SLC22A7: variants seen among roughly 807,000 people sequenced by gnomAD.
SLC22A7 encodes hOAT2.
In SLC22A7, 48 loss-of-function variants were observed where a neutral mutation model predicts 62.2. That is an observed-to-expected ratio of 0.77 (90% confidence interval 0.61 to 0.98). The LOEUF (loss-of-function observed/expected upper bound fraction) is 0.98. Among genes scored for constraint, SLC22A7 ranks in the 50% least tolerant of loss-of-function variants. SLC22A7 has a pLI of 0.00. For synonymous variants in SLC22A7, 276 were observed against 314.8 expected (o/e 0.88, Z 1.30); for missense variants, 581 against 703.8 (o/e 0.83, Z 1.97).
rs542352604 is a variant in SLC22A7 at position 43,301,907 on chromosome 6, C to A, written c.1061+215C>A. ...TCAAGCTCAGACTCCCACTTCCTTA[C>A]TTGGAAAGGGACAGATGACTTAGCC... On this transcript the variant is annotated intron_variant, in intron 7 of 10. Transcript: ENST00000372585. Among the ~76,000 whole-genome samples, 12 of 152,228 alleles carry A rather than the reference C, an allele frequency of 7.9e-5. No homozygotes were observed. In the South Asian group the frequency reaches 2.5e-3, roughly 32 times the overall value.
chr6:43,300,183 G>T, intron 5 of SLC22A7, 117 bp downstream of exon 5: 1 of 1,036,472 alleles, frequency 9.6e-7, no homozygotes, highest in East Asian at 2.5e-5. Context: ...GAAACGAAGT[G>T]ACCAAGAGAC....
chr6:43,304,347 C>A, intron 10 of SLC22A7, 103 bp downstream of exon 10: 2 of 1,028,040 alleles, frequency 1.9e-6, no homozygotes, highest in Non-Finnish European at 2.7e-6. Flanking sequence ...ACTATATCTG[C>A]ACATGTGTAC....
chr6:43,299,431 G>C lies in SLC22A7; in HGVS notation c.441G>C (p.Ala147=). 1 of 1,614,122 alleles carries C rather than the reference G, an allele frequency of 6.2e-7. No individual in the cohort carries two copies. The highest frequency in any genetic ancestry group is 8.5e-7 in the Non-Finnish European group (1 of 1,180,002). Residue 147 remains alanine, a synonymous_variant, in exon 3 of 11, where the codon GCG becomes GCC. Transcript: ENST00000372585. The surrounding 1 kb of genome is among the most constrained non-coding windows in gnomAD (Gnocchi z 4.4). ...AGCAGAAAGGTCTGAACAGAGCTGCGTCCACTTTCTTCTTCGCCGGTGTGC... is the reference window on the plus strand; with the variant it reads ...AGCAGAAAGGTCTGAACAGAGCTGCCTCCACTTTCTTCTTCGCCGGTGTGC... The part of the protein sequence containing the change: ...VCEQKGLNRA[A]STFFFAGVLV...
In SLC22A7 at chr6:43,305,489, T is replaced by C. The variant is rs907563981; in HGVS notation, c.*764T>C. On this transcript the variant is annotated 3_prime_UTR_variant, in exon 11 of 11. Transcript: ENST00000372585. ...TGAAGGCATGGGAGCCAACATTTTA[T>C]TGAAGAAGCCACAGAGGCTGAAATT... The C allele has an allele frequency of 7.8e-6, 3 of 385,796 alleles. No individual in the cohort carries two copies. Among genetic ancestry groups the C allele is most frequent in the South Asian group, 2.7e-5 (1 of 37,714 alleles). 23.9% of individuals were successfully genotyped at this position (385,796 alleles called of 1,614,324 possible). A position where few individuals can be genotyped will look rare whatever the true frequency, so the allele number is the denominator to read the frequency against.
chr6:43,302,415 G>A lies in SLC22A7; in HGVS notation c.1276+1G>A. 1.3e-6 allele frequency: 2 copies of A among 1,569,572 alleles called. No homozygotes were observed. The highest frequency in any genetic ancestry group is 8.6e-7 in the Non-Finnish European group (1 of 1,159,430). On this transcript the variant is annotated splice_donor_variant, in intron 8 of 10. Coordinates refer to ENST00000372585, the MANE Select transcript of SLC22A7 (RefSeq NM_153320.2). LOFTEE classifies it high-confidence loss of function. The surrounding 1 kb of genome is among the most constrained non-coding windows in gnomAD (Gnocchi z 5.0). Reference sequence around the variant, plus strand: ...GGCACTAGACTGCTAGTGTCCTCCGGTGAGCCCAGTCCCATAGGTTCTGCC... The same window carrying A: ...GGCACTAGACTGCTAGTGTCCTCCGATGAGCCCAGTCCCATAGGTTCTGCC...
In SLC22A7 at chr6:43,304,791, C is replaced by T; in HGVS notation, c.*66C>T. On this transcript the variant is annotated 3_prime_UTR_variant, in exon 11 of 11. Transcript: ENST00000372585. ...GGGGCTGGGAGAGCAGAAGGGCAGG[C>T]CCTGCAACTCAGGCTGGGAGTATCG... 1 of 1,314,274 alleles carries T rather than the reference C, an allele frequency of 7.6e-7. No individual in the cohort carries two copies. The highest frequency in any genetic ancestry group is 2.4e-5 in the Admixed American group (1 of 42,484). 81.4% of individuals were successfully genotyped at this position (1,314,274 alleles called of 1,614,324 possible). A position where few individuals can be genotyped will look rare whatever the true frequency, so the allele number is the denominator to read the frequency against.
chr6:43,298,130 A>G, upstream of SLC22A7: 4 of 536,610 alleles, frequency 7.5e-6, no homozygotes, highest in South Asian at 1.1e-4. Context: ...CTCTGAATGG[A>G]TGGCTTCCCC....
chr6:43,301,342 C>T lies in SLC22A7; in HGVS notation c.951+84C>T, dbSNP rs532780895. On this transcript the variant is annotated intron_variant, in intron 6 of 10. Transcript: ENST00000372585. ...TCAAGTGCCTCCCTCCCAGAGCCCA[C>T]CATATATGGCAGGAAAAGCCCCTGG... The T allele has an allele frequency of 2.1e-5, 33 of 1,571,590 alleles. No homozygotes were observed. In the African/African-American group the frequency reaches 3.9e-4, roughly 19 times the overall value.
In SLC22A7 at chr6:43,298,613, T is replaced by G. The variant is rs1397505909; in HGVS notation, c.255T>G (p.Tyr85Ter). 1 of 1,605,774 alleles carries G rather than the reference T, an allele frequency of 6.2e-7. No individual in the cohort carries two copies. Among genetic ancestry groups the G allele is most frequent in the East Asian group, 2.2e-5 (1 of 44,780 alleles). ...GTLSSCLRFA[Y>*]PQALPNTTLG... Reference sequence around the variant, plus strand: ...TCAGCTCCTGCCTCCGCTTTGCCTATCCCCAGGCTCTCCCCAACACCACGT... The same window carrying G: ...TCAGCTCCTGCCTCCGCTTTGCCTAGCCCCAGGCTCTCCCCAACACCACGT... The change falls in exon 1 of 11, where the codon TAT becomes TAG. Residue 85 changes from tyrosine to a stop codon, truncating the protein, a stop_gained. Transcript: ENST00000372585. LOFTEE classifies it high-confidence loss of function.
At position 43,299,389 on chromosome 6, in the gene SLC22A7, G is replaced by A; in HGVS notation, c.400-1G>A. 1 of 1,614,230 alleles carries A rather than the reference G, an allele frequency of 6.2e-7. No homozygotes were observed. The highest frequency in any genetic ancestry group is 8.5e-7 in the Non-Finnish European group (1 of 1,180,018). The stretch of plus-strand genomic sequence containing the variant: ...AGGTCCCTTTCTGCCTGTCCTTGCA[G>A]TGGGATCTGGTGTGTGAGCAGAAAG... On this transcript the variant is annotated splice_acceptor_variant, in intron 2 of 10. Coordinates refer to ENST00000372585, the MANE Select transcript of SLC22A7 (RefSeq NM_153320.2). LOFTEE classifies it high-confidence loss of function. This position sits in a 1 kb window ranked among gnomAD's most constrained non-coding sequence, Gnocchi z 4.4.
At chr6:43,297,203 C>T (rs946400714), upstream of SLC22A7, among the ~76,000 whole-genome samples, 2 of 152,166 alleles carry the variant, frequency 1.3e-5, no homozygotes, top group African/African-American at 4.8e-5. Context: ...GGGACATCAC[C>T]AGCTCAGCAG....
chr6:43,301,767 A>C, intron 7 of SLC22A7, 75 bp downstream of exon 7: 4 of 1,073,726 alleles, frequency 3.7e-6, no homozygotes, highest in Non-Finnish European at 5.5e-6. Flanking sequence ...GCTGAGTGTG[A>C]GAAGGGCTCT....
At chr6:43,301,313 T>C in intron 6 of SLC22A7, 55 bp downstream of exon 6, 1 of 1,605,254 alleles carries the variant, frequency 6.2e-7, no homozygotes, top group Non-Finnish European at 8.5e-7. Flanking sequence ...GGGAGTGGGC[T>C]GTGTCAAGTG....
intron 5 of SLC22A7, 76 bp from the exon 6 acceptor site, chr6:43,301,059 G>A: frequency 1.3e-6 from 2 of 1,584,566 alleles, no homozygotes; most frequent in East Asian, 2.3e-5. Flanking sequence ...TGGAAGTTGA[G>A]AGCCTGTAGT....
chr6:43,304,169 C>T lies in SLC22A7; in HGVS notation c.1517C>T (p.Ala506Val), dbSNP rs564867533. 5.0e-6 allele frequency: 8 copies of T among 1,601,292 alleles called. No individual in the cohort carries two copies. The highest frequency in any genetic ancestry group is 1.1e-5 in the South Asian group (1 of 89,434). Residue 506 changes from alanine (A) to valine (V), a missense_variant, in exon 10 of 11, where the codon GCC (alanine) becomes GTC (valine). By Grantham distance (64) the Ala-to-Val change is moderately conservative. Coordinates refer to ENST00000372585, the MANE Select transcript of SLC22A7 (RefSeq NM_153320.2). The stretch of plus-strand genomic sequence containing the variant: ...TATGGGGGGATCGCCCTGCTGGCTG[C>T]CGGCACCGCCCTCCTGCTGCCAGAG... ...LTYGGIALLAAGTALLLPETR... is the reference protein window; with the variant it reads ...LTYGGIALLAVGTALLLPETR...
chr6:43,298,652 G>A lies in SLC22A7; in HGVS notation c.294G>A (p.Arg98=), dbSNP rs1425115834. ...CCAACACCACGTTGGGGGAAGAAAGGCAGAGCCGTGGGGAGCTGGAGGATG... is the reference window on the plus strand; with the variant it reads ...CCAACACCACGTTGGGGGAAGAAAGACAGAGCCGTGGGGAGCTGGAGGATG... The part of the protein sequence containing the change: ...ALPNTTLGEE[R]QSRGELEDEP... Residue 98 remains arginine, a synonymous_variant, in exon 1 of 11, where the codon AGG becomes AGA. Transcript: ENST00000372585. The A allele has an allele frequency of 1.3e-6, 2 of 1,580,024 alleles. No individual in the cohort carries two copies. Among genetic ancestry groups the A allele is most frequent in the South Asian group, 2.4e-5 (2 of 84,628 alleles).
At position 43,302,907 on chromosome 6, in the gene SLC22A7, A is replaced by G. The variant is rs1778805757; in HGVS notation, c.1385+144A>G. ...TTTTTGGTAGAGACGGGGTCTTGCT[A>G]TATTACCCAGACTGGTCTCAAACTC... On this transcript the variant is annotated intron_variant, in intron 9 of 10. Coordinates refer to ENST00000372585, the MANE Select transcript of SLC22A7 (RefSeq NM_153320.2). The surrounding 1 kb of genome is among the most constrained non-coding windows in gnomAD (Gnocchi z 5.0). 10 of 677,970 alleles carry G rather than the reference A, an allele frequency of 1.5e-5. No individual in the cohort carries two copies. Among genetic ancestry groups the G allele is most frequent in the East Asian group, 1.1e-4 (4 of 35,572 alleles). The allele number at this position is 677,970 out of a possible 1,614,324, so 42.0% of individuals were successfully genotyped here.
Position 43,304,859 on chromosome 6 carries a change from C to G in SLC22A7, c.*134C>G. On this transcript the variant is annotated 3_prime_UTR_variant, in exon 11 of 11. Transcript: ENST00000372585. ...CGGAGTTGCTGCCAGTACCCGCTCC[C>G]TCTGCTCATCCATCCTTGATTATTT... is the stretch of plus-strand genomic sequence containing the variant. The G allele has an allele frequency of 1.8e-6, 1 of 568,916 alleles. No homozygotes were observed. The highest frequency in any genetic ancestry group is 3.0e-6 in the Non-Finnish European group (1 of 335,270). The allele number at this position is 568,916 out of a possible 1,614,324, so 35.2% of individuals were successfully genotyped here.
rs774476857 is a variant in SLC22A7 at position 43,299,478 on chromosome 6, GAT to G, written c.491_492del (p.Tyr164SerfsTer116). ...GTGCTGGTGGGGGCTGTGGCCTTTG[GAT>G]ATCTGTCCGACAGGTGGGGTGAGGC... On this transcript the variant is annotated frameshift_variant, in exon 3 of 11. Coordinates refer to ENST00000372585, the MANE Select transcript of SLC22A7 (RefSeq NM_153320.2). LOFTEE classifies it high-confidence loss of function. The surrounding 1 kb of genome is among the most constrained non-coding windows in gnomAD (Gnocchi z 4.4). The G allele has an allele frequency of 6.2e-7, 1 of 1,612,722 alleles. No homozygotes were observed. Among genetic ancestry groups the G allele is most frequent in the Non-Finnish European group, 8.5e-7 (1 of 1,179,218 alleles).
Sources: gnomAD v4.1 joint callset for allele counts (sites outside exome capture counted in the v4.1 genomes callset) on GRCh38, gnomAD v4.1.1 for gene constraint, Gnocchi (gnomAD v3.1) non-coding constraint, MANE v1.5 for transcripts, NCBI Gene and HGNC (gene_info 2026-07-23, HGNC 2026-07-21) for gene names.